Variants in COL20A1 observed in about 807,000 individuals in gnomAD.
COL20A1 encodes collagen type XX alpha 1 chain, also known as collagen alpha-1(XX) chain.
Under a neutral mutation model 152.9 loss-of-function variants are expected in COL20A1, and 164 were observed. The observed-to-expected ratio is 1.07, with a 90% CI of 0.94 to 1.22. The LOEUF is 1.22. COL20A1 is among the 50% of genes most tolerant of loss of function. The probability of loss-of-function intolerance (pLI) is 0.00; values close to 1 mark genes in which losing one functional copy is unlikely to be tolerated. For missense variants in COL20A1, 1,873 were observed against 1,744.8 expected (o/e 1.07, Z -1.31); for synonymous variants, 864 against 756.0 (o/e 1.14, Z -2.34).
chr20:63,308,658 A>G lies in COL20A1; in HGVS notation c.892A>G (p.Thr298Ala). The G allele has an allele frequency of 6.2e-7, 1 of 1,607,898 alleles. No homozygotes were observed. ...CGGCAAGTCCCAGGACGATGTGCAC[A>G]CTGCTGCCCGTGTCCTCAAGGACCT... ...TDGKSQDDVH[T>A]AARVLKDLGV... is the part of the protein sequence containing the mutation. The change falls in exon 8 of 36, where the codon ACT becomes GCT. Residue 298 changes from threonine (T) to alanine (A), a missense_variant. Thr to Ala is a moderately conservative substitution (Grantham distance 58). Coordinates refer to ENST00000358894, the MANE Select transcript of COL20A1 (RefSeq NM_020882.4).
intron 1 of COL20A1, among the ~76,000 whole-genome samples, chr20:63,294,156 C>T (rs201938382): frequency 3.6e-4 from 3 of 8,424 alleles, no homozygotes; most frequent in African/African-American, 1.5e-3. Context: ...AGGGGGAGTG[C>T]GGGGGGAGGG....
chr20:63,295,212 C>G (rs755072816), intron 2 of COL20A1, 23 bp downstream of exon 2: 3 of 1,514,696 alleles, frequency 2.0e-6, no homozygotes, highest in African/African-American at 2.8e-5. Flanking sequence ...GCAGTGGGCC[C>G]CTGCTTGCCC....
rs984643516 is a variant in COL20A1, at chr20:63,295,057, C to CG, written c.-10-35dup. ...GCGTTGTGGTCAGGGAGAGGACAGA[C>CG]GGGGGGACGGCTGAAGGGCATGGCC... On this transcript the variant is annotated intron_variant, in intron 1 of 35. Coordinates refer to ENST00000358894, the MANE Select transcript of COL20A1 (RefSeq NM_020882.4). 1.1e-5 allele frequency: 15 copies of CG among 1,331,290 alleles called. No individual in the cohort carries two copies. In the South Asian group the frequency reaches 1.7e-4, roughly 15 times the overall value. The allele number at this position is 1,331,290 out of a possible 1,614,324, so 82.5% of individuals were successfully genotyped here. A position where few individuals can be genotyped will look rare whatever the true frequency, so the allele number is the denominator to read the frequency against.
At chr20:63,309,964 T>A in intron 10 of COL20A1, 49 bp downstream of exon 10, 2 of 1,497,402 alleles carry the variant, frequency 1.3e-6, no homozygotes, top group Non-Finnish European at 9.0e-7. Flanking sequence ...TCAGCCGTAG[T>A]GAGATCTGAT....
Position 63,311,903 on chromosome 20 carries a change from C to T in COL20A1, c.1664-13C>T. On this transcript the variant is annotated splice_polypyrimidine_tract_variant and intron_variant, in intron 13 of 35. Transcript: ENST00000358894. The surrounding 1 kb of genome is among the most constrained non-coding windows in gnomAD (Gnocchi z 4.4). ...GCCGCGTGCTGGCCTTGAGGCTCTG[C>T]TGTGCTTTGCAGCCACCCTGGCCCC... 2.0e-6 allele frequency: 3 copies of T among 1,534,726 alleles called. No homozygotes were observed. Among genetic ancestry groups the T allele is most frequent in the Non-Finnish European group, 2.6e-6 (3 of 1,143,496 alleles).
In COL20A1 at chr20:63,295,190, G is replaced by A. The variant is rs1332158159; in HGVS notation, c.82+1G>A. ...ACCCTGGGAAGAGAGCAAGTTCAAG[G>A]TAAGGACACTGGCAGTGGGCCCCTG... On this transcript the variant is annotated splice_donor_variant, in intron 2 of 35. Coordinates refer to ENST00000358894, the MANE Select transcript of COL20A1 (RefSeq NM_020882.4). LOFTEE classifies it high-confidence loss of function. 1.3e-6 allele frequency: 2 copies of A among 1,550,714 alleles called. No individual in the cohort carries two copies. Among genetic ancestry groups the A allele is most frequent in the East Asian group, 4.9e-5 (2 of 41,082 alleles).
At chr20:63,295,880 G>T (rs564538886) in intron 2 of COL20A1, among the ~76,000 whole-genome samples, 1 of 152,388 alleles carries the variant, frequency 6.6e-6, no homozygotes, top group East Asian at 1.9e-4. Flanking sequence ...TCCCTGGGCT[G>T]GGCCAACGCG....
chr20:63,317,766 C>G (rs1197621994), intron 21 of COL20A1, among the ~76,000 whole-genome samples: 1 of 151,866 alleles, frequency 6.6e-6, no homozygotes, highest in African/African-American at 2.4e-5. Flanking sequence ...GCCCCCATGG[C>G]AGTTTCTCTT....
intron 2 of COL20A1, among the ~76,000 whole-genome samples, chr20:63,295,484 T>A (rs182652037): frequency 1.4e-3 from 214 of 152,324 alleles, no homozygotes; most frequent in Non-Finnish European, 2.3e-3. Flanking sequence ...AGCAGGAGGC[T>A]GGGGTAAAGA....
intron 21 of COL20A1, among the ~76,000 whole-genome samples, chr20:63,318,679 G>A (rs374055731): frequency 6.6e-6 from 1 of 152,132 alleles, no homozygotes; most frequent in South Asian, 2.1e-4. Flanking sequence ...CCCTTGCTGG[G>A]GTCATCTGGG....
chr20:63,328,038 C>T (rs765193989), intron 32 of COL20A1, 41 bp from the exon 33 acceptor site: 3 of 1,613,154 alleles, frequency 1.9e-6, no homozygotes, highest in South Asian at 1.1e-5. Context: ...GGGAAGGCAC[C>T]TGCCACACGG....
chr20:63,322,874 T>A (rs2068186316), intron 27 of COL20A1, among the ~76,000 whole-genome samples: 1 of 152,226 alleles, frequency 6.6e-6, no homozygotes, highest in Admixed American at 6.5e-5. Flanking sequence ...GGCTGTCCTT[T>A]TGCACCTGCG....
intron 27 of COL20A1, 22 bp from the exon 28 acceptor site, chr20:63,325,419 C>G (rs937811267): frequency 1.2e-6 from 2 of 1,600,116 alleles, no homozygotes; most frequent in Non-Finnish European, 1.7e-6. Context: ...GCTTCGCTGT[C>G]CAGCCCATCT....
At chr20:63,295,890 G>A (rs1024504220) in intron 2 of COL20A1, among the ~76,000 whole-genome samples, 8 of 152,274 alleles carry the variant, frequency 5.3e-5, no homozygotes, top group Non-Finnish European at 7.3e-5. Context: ...GGGCCAACGC[G>A]GCGCCTCCCG....
intron 27 of COL20A1, chr20:63,324,504 A>G (rs1183655749): frequency 6.6e-6 from 1 of 152,238 alleles, no homozygotes; most frequent in African/African-American, 2.4e-5. Context: ...TTCTTTTATT[A>G]GATTTAAAAC....
chr20:63,299,820 T>C (rs954975050), intron 3 of COL20A1, among the ~76,000 whole-genome samples: 1 of 151,514 alleles, frequency 6.6e-6, no homozygotes, highest in Non-Finnish European at 1.5e-5. Context: ...AATATATACA[T>C]ATATACATAT....
At chr20:63,308,992 C>T (rs746763276) in intron 8 of COL20A1, among the ~76,000 whole-genome samples, 4 of 152,178 alleles carry the variant, frequency 2.6e-5, no homozygotes, top group Non-Finnish European at 5.9e-5. Flanking sequence ...GCTCCAGCTG[C>T]CCCCTCTGGC....
At chr20:63,295,576 T>C (rs2067779814) in intron 2 of COL20A1, among the ~76,000 whole-genome samples, 1 of 152,048 alleles carries the variant, frequency 6.6e-6, no homozygotes, top group South Asian at 2.1e-4. Context: ...CTCTGGCTTC[T>C]CTCGGTGCGG....
chr20:63,319,660 G>A lies in COL20A1; in HGVS notation c.2916+64G>A, dbSNP rs1320969953. 1 of 1,146,382 alleles carries A rather than the reference G, an allele frequency of 8.7e-7. No individual in the cohort carries two copies. Among genetic ancestry groups the A allele is most frequent in the Admixed American group, 2.0e-5 (1 of 49,014 alleles). 71.0% of individuals were successfully genotyped at this position (1,146,382 alleles called of 1,614,324 possible). On this transcript the variant is annotated intron_variant, in intron 23 of 35. Transcript: ENST00000358894. The surrounding 1 kb of genome is among the most constrained non-coding windows in gnomAD (Gnocchi z 4.4). ...AGCTCTGGGGCAGCCCAGCCCCACA[G>A]GGACCTGCCGGATGCCAACTCCTCT... is the stretch of plus-strand genomic sequence containing the variant.
Sources: allele counts gnomAD v4.1 joint callset (sites outside exome capture counted in the v4.1 genomes callset), GRCh38; gene constraint gnomAD v4.1.1; non-coding constraint Gnocchi (gnomAD v3.1); transcripts MANE v1.5; gene names NCBI Gene and HGNC (gene_info 2026-07-23, HGNC 2026-07-21).